Variants in EBF1 observed in about 807,000 individuals in gnomAD.
The protein encoded by EBF1 is transcription factor COE1.
EBF1 carries 10 observed loss-of-function variants against 68.4 expected under a neutral mutation model. The observed-to-expected ratio is 0.15, with a 90% CI of 0.09 to 0.25. The LOEUF (loss-of-function observed/expected upper bound fraction) is 0.25. EBF1 is among the 10% of genes least tolerant of loss of function. The pLI is 1.00. For missense variants in EBF1, 509 were observed against 794.4 expected (o/e 0.64, Z 4.32); for synonymous variants, 298 against 299.8 (o/e 0.99, Z 0.06).
At chr5:159,095,794 G>A in intron 3 of EBF1, 119 bp from the exon 4 acceptor site, 1 of 1,025,646 alleles carries the variant, frequency 9.7e-7, no homozygotes, top group South Asian at 1.5e-5. Flanking sequence ...ATCACGAAAG[G>A]GGCTCCAAGG....
At chr5:159,018,990 A>G (rs931514667) in intron 6 of EBF1, 2 of 152,220 alleles carry the variant, frequency 1.3e-5, no homozygotes, top group Non-Finnish European at 1.5e-5. Context: ...GCCGCCCCGG[A>G]TCTTGGAGCT....
chr5:159,012,680 G>A (rs1242899019), intron 6 of EBF1, among the ~76,000 whole-genome samples: 1 of 151,970 alleles, frequency 6.6e-6, no homozygotes, highest in Non-Finnish European at 1.5e-5. Context: ...GTAGAGTTTT[G>A]TAGAGAAAGG....
intron 6 of EBF1, among the ~76,000 whole-genome samples, chr5:158,941,462 A>G (rs1213714264): frequency 2.6e-5 from 4 of 152,124 alleles, no homozygotes; most frequent in Non-Finnish European, 5.9e-5. Flanking sequence ...AACACACTCT[A>G]TAGGGGCACA....
intron 9 of EBF1, among the ~76,000 whole-genome samples, chr5:158,790,473 T>G (rs1261452550): frequency 6.6e-6 from 1 of 151,962 alleles, no homozygotes; most frequent in African/African-American, 2.4e-5. Context: ...CCATCACCAA[T>G]ATATCTCCCT....
chr5:159,068,771 G>C (rs1257535570), intron 6 of EBF1, among the ~76,000 whole-genome samples: 1 of 152,106 alleles, frequency 6.6e-6, no homozygotes, highest in Non-Finnish European at 1.5e-5. Context: ...AAATGGAAGT[G>C]ATCTAGATGT....
intron 6 of EBF1, among the ~76,000 whole-genome samples, chr5:158,864,888 T>C (rs1291204273): frequency 1.3e-5 from 2 of 152,180 alleles, no homozygotes; most frequent in African/African-American, 2.4e-5. Flanking sequence ...AGGATCATTC[T>C]ATCTCTAACA....
intron 6 of EBF1, among the ~76,000 whole-genome samples, chr5:158,912,822 C>A (rs1214729443): frequency 6.6e-6 from 1 of 152,050 alleles, no homozygotes; most frequent in African/African-American, 2.4e-5. Context: ...TCTCTATCAG[C>A]CTCAAGAAAA....
chr5:158,923,396 AATCC>A (rs1373093264), intron 6 of EBF1, among the ~76,000 whole-genome samples: 1 of 152,220 alleles, frequency 6.6e-6, no homozygotes, highest in Non-Finnish European at 1.5e-5. Flanking sequence ...GATGAAAATG[AATCC>A]ATCTTTCAGT....
intron 6 of EBF1, among the ~76,000 whole-genome samples, chr5:158,946,922 C>A (rs1046870547): frequency 6.6e-6 from 1 of 152,220 alleles, no homozygotes; most frequent in African/African-American, 2.4e-5. Context: ...CTGGCTACAG[C>A]GGCTCTGTGG....
rs1164504648 is a variant in EBF1, at chr5:158,698,396, G to A, written c.*715C>T. Reference sequence around the variant, plus strand: ...TCTAGAGGCACTGGATTTTCGAGTAGAGGGAAAAATGTGATCACTTACATC... The same window carrying A: ...TCTAGAGGCACTGGATTTTCGAGTAAAGGGAAAAATGTGATCACTTACATC... On this transcript the variant is annotated 3_prime_UTR_variant, in exon 16 of 16. Coordinates refer to ENST00000313708, the MANE Select transcript of EBF1 (RefSeq NM_024007.5). The A allele has an allele frequency of 8.9e-6, 2 of 224,612 alleles. No homozygotes were observed. Among genetic ancestry groups the A allele is most frequent in the Middle Eastern group, 1.4e-3 (1 of 724 alleles). The allele number at this position is 224,612 out of a possible 1,614,324, so 13.9% of individuals were successfully genotyped here. A position where few individuals can be genotyped will look rare whatever the true frequency, so the allele number is the denominator to read the frequency against.
chr5:159,075,683 A>G (rs537724093), intron 5 of EBF1, among the ~76,000 whole-genome samples: 1 of 152,124 alleles, frequency 6.6e-6, no homozygotes, highest in African/African-American at 2.4e-5. Context: ...AGCTTTTCCA[A>G]ATGTCAGTGG....
intron 6 of EBF1, among the ~76,000 whole-genome samples, chr5:158,936,421 G>A (rs966580659): frequency 2.0e-5 from 3 of 152,172 alleles, no homozygotes; most frequent in African/African-American, 7.2e-5. Context: ...TCCTTCCTAT[G>A]TAAAGGTAAT....
chr5:158,874,493 G>T (rs1384785652), intron 6 of EBF1, among the ~76,000 whole-genome samples: 3 of 152,148 alleles, frequency 2.0e-5, no homozygotes, highest in African/African-American at 7.2e-5. Flanking sequence ...CAAGGCTCTT[G>T]GTAAATGTCT....
chr5:158,708,097 G>A lies in EBF1; in HGVS notation c.1626C>T (p.Ser542=), dbSNP rs1394143202. ...CTGAGACCATGTTGGCTGGTGAGAA[G>A]GAGAAGATGCCCGAGGAGCTGCTGC... The part of the protein sequence containing the change: ...SNCSSSSGIF[S]FSPANMVSAV... Residue 542 remains serine (S), a synonymous_variant, in exon 15 of 16, where the codon TCC becomes TCT. Transcript: ENST00000313708. 1.3e-6 allele frequency: 2 copies of A among 1,584,102 alleles called. No individual in the cohort carries two copies. The highest frequency in any genetic ancestry group is 1.2e-5 in the South Asian group (1 of 86,156).
chr5:158,909,814 T>C (rs1583082190), intron 6 of EBF1, among the ~76,000 whole-genome samples: 1 of 151,776 alleles, frequency 6.6e-6, no homozygotes, highest in Non-Finnish European at 1.5e-5. Flanking sequence ...GCACAGGCCT[T>C]TAATCCCAGC....
At chr5:158,781,526 T>G (rs967552386) in intron 9 of EBF1, among the ~76,000 whole-genome samples, 1 of 152,170 alleles carries the variant, frequency 6.6e-6, no homozygotes, top group Admixed American at 6.5e-5. Flanking sequence ...ATAAGTCTTC[T>G]TGCCATCTCA....
intron 4 of EBF1, among the ~76,000 whole-genome samples, chr5:159,085,303 C>T (rs1397360721): frequency 6.6e-6 from 1 of 152,160 alleles, no homozygotes; most frequent in Non-Finnish European, 1.5e-5. Context: ...AACATGTGCT[C>T]TCACAGGGTG....
chr5:158,714,988 T>A (rs1031533333), intron 11 of EBF1, among the ~76,000 whole-genome samples: 1 of 152,124 alleles, frequency 6.6e-6, no homozygotes. Context: ...TAATAGGGAG[T>A]ACTCTACAAA....
chr5:158,701,296 G>A (rs560915847), intron 15 of EBF1, among the ~76,000 whole-genome samples: 2 of 152,044 alleles, frequency 1.3e-5, no homozygotes, highest in East Asian at 1.9e-4. Context: ...AGCTAATTTG[G>A]TTGGTGGGTC....
Sources: allele counts gnomAD v4.1 joint callset (sites outside exome capture counted in the v4.1 genomes callset), GRCh38; gene constraint gnomAD v4.1.1; transcripts MANE v1.5; gene names NCBI Gene and HGNC (gene_info 2026-07-23, HGNC 2026-07-21).